The following SUPT3H variants were observed in gnomAD, a reference collection of about 807,000 sequenced individuals.
SUPT3H encodes the protein transcription initiation protein SPT3 homolog.
In SUPT3H, 44 loss-of-function variants were observed where a neutral mutation model predicts 44.3. The ratio of observed to expected loss-of-function variants is 0.99; its 90% CI spans 0.78 to 1.28. SUPT3H has a LOEUF of 1.28. Among genes scored for constraint, SUPT3H ranks in the 50% most tolerant of loss-of-function variants. The pLI is 0.00. For synonymous variants in SUPT3H, 124 were observed against 125.6 expected, an observed-to-expected ratio of 0.99 and a Z score of 0.09; for missense variants, 380 against 387.1, an observed-to-expected ratio of 0.98 and a Z score of 0.15.
chr6:45,163,335 T>C (rs1809345457), intron 2 of SUPT3H, among the ~76,000 whole-genome samples: 1 of 152,192 alleles, frequency 6.6e-6, no homozygotes, highest in South Asian at 2.1e-4. Flanking sequence ...ACTTAGCATT[T>C]AGGTAATTTA....
At chr6:45,116,536 C>T (rs1055130012) in intron 2 of SUPT3H, among the ~76,000 whole-genome samples, 1 of 152,090 alleles carries the variant, frequency 6.6e-6, no homozygotes, top group South Asian at 2.1e-4. Context: ...GATATTTGTT[C>T]CAGTAAGTGA....
Position 45,128,537 on chromosome 6 carries a change from T to C in SUPT3H, c.102-22531A>G, listed in dbSNP as rs1474036628. On this transcript the variant is annotated intron_variant, in intron 2 of 10. Transcript: ENST00000371459. ...AAAAAAAAAAAAAAAAAAAAAAATA[T>C]ATATATATATATATATATATACACA... Among the ~76,000 whole-genome samples the C allele has an allele frequency of 3.5e-3, 158 of 45,048 alleles. 1 individual carries two copies. Among genetic ancestry groups the C allele is most frequent in the African/African-American group, 0.018 (151 of 8,164 alleles). The allele number at this position is 45,048 out of a possible 152,430, so 29.6% of individuals were successfully genotyped here.
chr6:45,242,741 C>T (rs1243228556), intron 2 of SUPT3H, among the ~76,000 whole-genome samples: 1 of 152,116 alleles, frequency 6.6e-6, no homozygotes, highest in African/African-American at 2.4e-5. Flanking sequence ...ATAACAAAAT[C>T]TAGAAAGTCA....
At chr6:44,884,830 G>GT (rs1778873458) in intron 10 of SUPT3H, among the ~76,000 whole-genome samples, 1 of 152,210 alleles carries the variant, frequency 6.6e-6, no homozygotes, top group Admixed American at 6.5e-5. Context: ...CACTTGGGAA[G>GT]TGCAAGGGGT....
chr6:45,127,388 T>C (rs974914139), intron 2 of SUPT3H, among the ~76,000 whole-genome samples: 1 of 152,148 alleles, frequency 6.6e-6, no homozygotes, highest in Non-Finnish European at 1.5e-5. Context: ...AGTGACATCA[T>C]ACACTTCCCA....
chr6:45,063,309 GT>G (rs1313838763), intron 3 of SUPT3H, among the ~76,000 whole-genome samples: 1 of 150,114 alleles, frequency 6.7e-6, no homozygotes. Flanking sequence ...AAACCCATCT[GT>G]ACATCACCAT....
intron 2 of SUPT3H, among the ~76,000 whole-genome samples, chr6:45,212,118 A>G (rs2153630907): frequency 6.6e-6 from 1 of 152,224 alleles, no homozygotes; most frequent in East Asian, 1.9e-4. Context: ...GTGAGCCAAG[A>G]TTGCACCACT....
chr6:44,974,725 T>C (rs1393968005), intron 6 of SUPT3H, among the ~76,000 whole-genome samples: 1 of 152,184 alleles, frequency 6.6e-6, no homozygotes, highest in Non-Finnish European at 1.5e-5. Context: ...AGGCTATCTA[T>C]AAAGCACTTA....
chr6:45,282,615 T>C (rs1020942463), intron 2 of SUPT3H, among the ~76,000 whole-genome samples: 10 of 152,192 alleles, frequency 6.6e-5, no homozygotes, highest in African/African-American at 2.4e-4. Context: ...CTGATTGGTG[T>C]ACCTGAAAGT....
intron 2 of SUPT3H, among the ~76,000 whole-genome samples, chr6:45,225,707 CT>C (rs1392021882): frequency 1.3e-5 from 2 of 152,094 alleles, no homozygotes; most frequent in African/African-American, 4.8e-5. Context: ...CAATAATCCA[CT>C]TTTTAACAGA....
At chr6:45,177,536 A>G (rs1383623028) in intron 2 of SUPT3H, among the ~76,000 whole-genome samples, 1 of 152,182 alleles carries the variant, frequency 6.6e-6, no homozygotes, top group Non-Finnish European at 1.5e-5. Context: ...CTAGCAAGGC[A>G]GGCCAACATT....
In SUPT3H at chr6:45,212,481, ATGTGTGTGTGTGTGTGTGTGTGTG is replaced by A. The variant is rs11269206; in HGVS notation, c.102-106499_102-106476del. On this transcript the variant is annotated intron_variant, in intron 2 of 10. Transcript: ENST00000371459. ...TCTGAAACTTCCCTCCACCTCCACTATGTGTGTGTGTGTGTGTGTGTGTGTGTGTGTGTGTGTGTGTGTGTGTGT... is the reference window on the plus strand; with the variant it reads ...TCTGAAACTTCCCTCCACCTCCACTATGTGTGTGTGTGTGTGTGTGTGTGT... Among the ~76,000 whole-genome samples, 419 of 43,406 alleles carry A rather than the reference ATGTGTGTGTGTGTGTGTGTGTGTG, an allele frequency of 9.7e-3. 8 individuals carry two copies. The highest frequency in any genetic ancestry group is 0.05 in the African/African-American group (388 of 7,780). The allele number at this position is 43,406 out of a possible 152,430, so 28.5% of individuals were successfully genotyped here.
At chr6:45,085,218 T>C (rs1796340271) in intron 3 of SUPT3H, among the ~76,000 whole-genome samples, 1 of 152,166 alleles carries the variant, frequency 6.6e-6, no homozygotes, top group Admixed American at 6.5e-5. Context: ...AAAATGTGAT[T>C]TGAAATTTTT....
chr6:45,125,063 C>A (rs575801209), intron 2 of SUPT3H, among the ~76,000 whole-genome samples: 49 of 152,286 alleles, frequency 3.2e-4, no homozygotes, highest in Non-Finnish European at 6.3e-4. Context: ...GAAGGATTCT[C>A]CTCTAGAGCC....
intron 10 of SUPT3H, among the ~76,000 whole-genome samples, chr6:44,896,123 GA>G (rs1764099105): frequency 6.6e-6 from 1 of 152,098 alleles, no homozygotes; most frequent in Admixed American, 6.5e-5. Flanking sequence ...CAGCTGTGTA[GA>G]TGCTGTGCTA....
At chr6:44,956,218 C>T (rs1467465405) in intron 7 of SUPT3H, among the ~76,000 whole-genome samples, 1 of 151,640 alleles carries the variant, frequency 6.6e-6, no homozygotes, top group African/African-American at 2.4e-5. Context: ...GGCGCGGTGG[C>T]TCACGCCTGT....
At chr6:45,076,426 C>G (rs772448766) in intron 3 of SUPT3H, among the ~76,000 whole-genome samples, 16 of 151,808 alleles carry the variant, frequency 1.1e-4, no homozygotes, top group Non-Finnish European at 2.4e-4. Flanking sequence ...GCTCTACATC[C>G]TACAGGTAAT....
chr6:45,063,900 G>C (rs1247956884), intron 3 of SUPT3H, among the ~76,000 whole-genome samples: 1 of 115,666 alleles, frequency 8.6e-6, no homozygotes, highest in East Asian at 2.5e-4. Context: ...ATATTATCCA[G>C]GAGAACTTCC....
intron 9 of SUPT3H, among the ~76,000 whole-genome samples, chr6:44,937,786 T>G (rs1354062648): frequency 2.0e-5 from 3 of 152,106 alleles, no homozygotes; most frequent in Non-Finnish European, 2.9e-5. Context: ...TTGGTGTTTT[T>G]TTGTTGTTGT....
Sources: gnomAD v4.1 joint callset for allele counts (sites outside exome capture counted in the v4.1 genomes callset) on GRCh38, gnomAD v4.1.1 for gene constraint, MANE v1.5 for transcripts, NCBI Gene and HGNC (gene_info 2026-07-23, HGNC 2026-07-21) for gene names.